Variants in MYO9B observed in about 807,000 individuals in gnomAD.
MYO9B encodes myosin IXB.
Under a neutral mutation model 229.5 loss-of-function variants are expected in MYO9B, and 71 were observed. That is an observed-to-expected ratio of 0.31 (90% confidence interval 0.26 to 0.38). The LOEUF (loss-of-function observed/expected upper bound fraction) is 0.38, where lower values mean the gene tolerates loss of function less well. Ranked by LOEUF, MYO9B falls within the 10% of genes least tolerant of loss-of-function variation. The probability of loss-of-function intolerance (pLI) is 1.00; values close to 1 mark genes in which losing one functional copy is unlikely to be tolerated. For synonymous variants in MYO9B, 1,185 were observed against 1,235.8 expected, an observed-to-expected ratio of 0.96 and a Z score of 0.86; for missense variants, 2,255 against 2,920.5, an observed-to-expected ratio of 0.77 and a Z score of 5.25.
chr19:17,143,174 G>T (rs1458713273), intron 2 of MYO9B, among the ~76,000 whole-genome samples: 2 of 152,042 alleles, frequency 1.3e-5, no homozygotes, highest in Non-Finnish European at 2.9e-5. Flanking sequence ...GGGAGGTGGA[G>T]ATTGCCGTGA....
In MYO9B at chr19:17,162,364, C is replaced by T. The variant is rs375899015; in HGVS notation, c.1434C>T (p.Arg478=). ...PYSLSEAITA[R]DSMAKSLYSA... ...TGTGTCCACAGGCCATCACTGCCCG[C>T]GACTCCATGGCCAAGTCTCTGTACA... Residue 478 remains arginine, a synonymous_variant, in exon 9 of 40, where the codon CGC becomes CGT. Coordinates refer to ENST00000682292, the MANE Select transcript of MYO9B (RefSeq NM_004145.4). The T allele has an allele frequency of 5.8e-5, 91 of 1,578,734 alleles. No homozygotes were observed. The highest frequency in any genetic ancestry group is 1.2e-4 in the South Asian group (10 of 85,690).
intron 14 of MYO9B, among the ~76,000 whole-genome samples, chr19:17,180,158 A>G (rs1472170057): frequency 2.7e-5 from 4 of 148,444 alleles, no homozygotes; most frequent in Non-Finnish European, 6.0e-5. Flanking sequence ...GCTTGAACCC[A>G]GGAGGCAGAG....
intron 2 of MYO9B, among the ~76,000 whole-genome samples, chr19:17,143,125 G>GCTAC (rs771435958): frequency 3.4e-4 from 52 of 151,964 alleles, no homozygotes; most frequent in Middle Eastern, 6.8e-3. Flanking sequence ...TGTAATCCCA[G>GCTAC]CTACCCGGGA....
At chr19:17,105,977 CCTCCT>C (rs2057789079) in intron 2 of MYO9B, among the ~76,000 whole-genome samples, 2 of 151,300 alleles carry the variant, frequency 1.3e-5, no homozygotes, top group Admixed American at 1.3e-4. Context: ...CCTCCCCTCC[CCTCCT>C]CTCCCCTCCC....
At chr19:17,200,470 T>G in intron 25 of MYO9B, 44 bp downstream of exon 25, 2 of 1,542,910 alleles carry the variant, frequency 1.3e-6, no homozygotes, top group Non-Finnish European at 1.7e-6. Flanking sequence ...GAGCCACCAG[T>G]GCCCCTGGGG....
intron 1 of MYO9B, among the ~76,000 whole-genome samples, chr19:17,076,159 G>A (rs1484111875): frequency 6.6e-6 from 1 of 151,768 alleles, no homozygotes; most frequent in African/African-American, 2.4e-5. Context: ...GGCTTAAGTG[G>A]TAATTGGGGG....
In MYO9B at chr19:17,102,146, G is replaced by A. The variant is rs769821419; in HGVS notation, c.429G>A (p.Arg143=). The A allele has an allele frequency of 6.2e-7, 1 of 1,613,690 alleles. No homozygotes were observed. Among genetic ancestry groups the A allele is most frequent in the Non-Finnish European group, 8.5e-7 (1 of 1,179,886 alleles). ...TAGTGGAGCGTGGCCTCCTGCCACGGCAGCAGGCGGACTTTGATGACCTGT... is the reference window on the plus strand; with the variant it reads ...TAGTGGAGCGTGGCCTCCTGCCACGACAGCAGGCGGACTTTGATGACCTGT... ...RRLVERGLLP[R]QQADFDDLCN... is the part of the protein sequence containing the mutation. The change falls in exon 2 of 40, where the codon CGG becomes CGA. Residue 143 remains arginine (R), a synonymous_variant. Coordinates refer to ENST00000682292, the MANE Select transcript of MYO9B (RefSeq NM_004145.4).
intron 2 of MYO9B, among the ~76,000 whole-genome samples, 190 bp from the exon 3 acceptor site, chr19:17,145,207 C>T (rs1422410699): frequency 1.3e-5 from 2 of 152,004 alleles, no homozygotes; most frequent in Admixed American, 1.3e-4. Context: ...ACCCGGGAGG[C>T]AGAGGTTGCA....
chr19:17,175,629 A>G, intron 13 of MYO9B, 34 bp from the exon 14 acceptor site: 3 of 1,511,616 alleles, frequency 2.0e-6, no homozygotes, highest in Non-Finnish European at 2.7e-6. Flanking sequence ...ATAGGAGGCC[A>G]TCCCCACCAC....
At position 17,172,263 on chromosome 19, in the gene MYO9B, C is replaced by A. The variant is rs1002644860; in HGVS notation, c.1794-73C>A. On this transcript the variant is annotated intron_variant, in intron 11 of 39. Transcript: ENST00000682292. This position sits in a 1 kb window ranked among gnomAD's most constrained non-coding sequence, Gnocchi z 8.2. ...CCCACCCACCTCGTGCACCAGGGGT[C>A]TGCAAGATAAAATACACAGCAGGTA... The A allele has an allele frequency of 1.5e-5, 24 of 1,574,002 alleles. No homozygotes were observed. The African/African-American group carries it at 3.2e-4, about 21-fold the overall frequency.
intron 1 of MYO9B, among the ~76,000 whole-genome samples, chr19:17,077,570 G>A (rs368251297): frequency 1.1e-4 from 17 of 152,100 alleles, no homozygotes; most frequent in African/African-American, 4.1e-4. Context: ...AGGGTCTTGT[G>A]GGGGGAGCAC....
At chr19:17,085,828 C>T (rs1338476136) in intron 1 of MYO9B, among the ~76,000 whole-genome samples, 1 of 152,144 alleles carries the variant, frequency 6.6e-6, no homozygotes, top group Non-Finnish European at 1.5e-5. Flanking sequence ...TTCCTCCGGG[C>T]GTGACGACAG....
At chr19:17,206,620 G>T in intron 33 of MYO9B, 59 bp from the exon 34 acceptor site, 1 of 1,455,074 alleles carries the variant, frequency 6.9e-7, no homozygotes, top group South Asian at 1.2e-5. Flanking sequence ...TGTTGGTGGG[G>T]ACAACAGGCA....
In MYO9B at chr19:17,203,173, C is replaced by T. The variant is rs769345861; in HGVS notation, c.4905C>T (p.Phe1635=). ...TCCAGGAGCACAACGGGCACGTGTT[C>T]GCCAGCTACCAGGTTAGCATCCCGC... ...RAVQEHNGHV[F]ASYQVSIPQS... Residue 1635 remains phenylalanine, a synonymous_variant, in exon 30 of 40, where the codon TTC becomes TTT. Coordinates refer to ENST00000682292, the MANE Select transcript of MYO9B (RefSeq NM_004145.4). The T allele has an allele frequency of 3.1e-5, 49 of 1,576,358 alleles. No individual in the cohort carries two copies. Among genetic ancestry groups the T allele is most frequent in the Admixed American group, 7.3e-5 (4 of 54,422 alleles).
At chr19:17,138,142 CAT>C (rs1480902823) in intron 2 of MYO9B, among the ~76,000 whole-genome samples, 4 of 152,056 alleles carry the variant, frequency 2.6e-5, no homozygotes, top group Non-Finnish European at 4.4e-5. Context: ...TGAGTGAGAA[CAT>C]GTGGTGTTTG....
chr19:17,146,175 ATGG>A (rs1568273042), intron 3 of MYO9B, among the ~76,000 whole-genome samples: 1 of 142,628 alleles, frequency 7.0e-6, no homozygotes, highest in African/African-American at 2.9e-5. Flanking sequence ...GGATGGATGG[ATGG>A]ATGGATGGAT....
In MYO9B at chr19:17,212,203, G is replaced by T. The variant is rs1261958560; in HGVS notation, c.6367G>T (p.Ala2123Ser). 1 of 1,582,158 alleles carries T rather than the reference G, an allele frequency of 6.3e-7. No individual in the cohort carries two copies. The highest frequency in any genetic ancestry group is 8.6e-7 in the Non-Finnish European group (1 of 1,165,540). The change falls in exon 40 of 40, where the codon GCC becomes TCC. Residue 2123 changes from alanine (A) to serine (S), a missense_variant. Physicochemically the swap from Ala to Ser is moderately conservative, Grantham distance 99. Around this residue, in one of 7 missense-constraint regions of MYO9B, gnomAD observed 331 missense variants for 332.5 expected, o/e 1.00. Coordinates refer to ENST00000682292, the MANE Select transcript of MYO9B (RefSeq NM_004145.4). This position sits in a 1 kb window ranked among gnomAD's most constrained non-coding sequence, Gnocchi z 5.4. ...TPGADLPVQGALEPLEEDGQP... is the reference protein window; with the variant it reads ...TPGADLPVQGSLEPLEEDGQP... ...CGGGGCAGACCTGCCAGTGCAGGGC[G>T]CCCTGGAGCCCCTAGAAGAGGATGG...
At chr19:17,096,440 G>A (rs1217971462) in intron 1 of MYO9B, among the ~76,000 whole-genome samples, 2 of 151,936 alleles carry the variant, frequency 1.3e-5, no homozygotes, top group East Asian at 1.9e-4. Context: ...GTCAAGGCAG[G>A]TGGAGTTCCA....
In MYO9B at chr19:17,159,481, C is replaced by T. The variant is rs143307394; in HGVS notation, c.1416C>T (p.Ser472=). The T allele has an allele frequency of 6.2e-4, 1,003 of 1,606,834 alleles. 11 individuals carry two copies. In the East Asian group the frequency reaches 0.017, roughly 28 times the overall value. ...AGCTTATCCTTCCCTACAGCCTCAG[C>T]GAGGTGAGCTCTGCCCAGGCACTCA... is the stretch of plus-strand genomic sequence containing the variant. ...NDKLILPYSL[S]EAITARDSMA... is the part of the protein sequence containing the mutation. The change falls in exon 8 of 40, where the codon AGC becomes AGT. Residue 472 remains serine, a synonymous_variant. Coordinates refer to ENST00000682292, the MANE Select transcript of MYO9B (RefSeq NM_004145.4).
Sources: allele counts gnomAD v4.1 joint callset (sites outside exome capture counted in the v4.1 genomes callset), GRCh38; gene constraint gnomAD v4.1.1; regional missense constraint gnomAD v4.1.1; non-coding constraint Gnocchi (gnomAD v3.1); transcripts MANE v1.5; gene names NCBI Gene and HGNC (gene_info 2026-07-23, HGNC 2026-07-21).